GRM8: variants seen among roughly 807,000 people sequenced by gnomAD.
GRM8 encodes the protein glutamate metabotropic receptor 8, also known as metabotropic glutamate receptor 8.
Under a neutral mutation model 87.2 loss-of-function variants are expected in GRM8, and 47 were observed. The ratio of observed to expected loss-of-function variants is 0.54; its 90% CI spans 0.43 to 0.69. The LOEUF (loss-of-function observed/expected upper bound fraction) is 0.69. Among genes scored for constraint, GRM8 ranks in the 30% least tolerant of loss-of-function variants. The probability of loss-of-function intolerance (pLI) is 0.00; values close to 1 mark genes in which losing one functional copy is unlikely to be tolerated. For missense variants in GRM8, 1,019 were observed against 1,139.2 expected, an observed-to-expected ratio of 0.89 and a Z score of 1.52; for synonymous variants, 396 against 404.5, an observed-to-expected ratio of 0.98 and a Z score of 0.25.
At chr7:126,867,833 T>C (rs1435698758) in intron 6 of GRM8, among the ~76,000 whole-genome samples, 1 of 152,174 alleles carries the variant, frequency 6.6e-6, no homozygotes, top group Admixed American at 6.5e-5. Context: ...GGCCAAGGTC[T>C]TAAGTGGGAT....
intron 3 of GRM8, among the ~76,000 whole-genome samples, chr7:127,072,624 T>C (rs1164914824): frequency 6.8e-6 from 1 of 146,574 alleles, no homozygotes; most frequent in Non-Finnish European, 1.5e-5. Flanking sequence ...TGCTGAACCC[T>C]CATATTATAC....
intron 3 of GRM8, among the ~76,000 whole-genome samples, chr7:126,975,699 C>G (rs973507382): frequency 1.3e-5 from 2 of 152,092 alleles, no homozygotes; most frequent in African/African-American, 4.8e-5. Flanking sequence ...TATTTGGGAG[C>G]TCAGAATTTC....
intron 2 of GRM8, among the ~76,000 whole-genome samples, chr7:127,135,288 G>C (rs928646121): frequency 1.3e-5 from 2 of 151,972 alleles, no homozygotes. Context: ...TCTGAGCTTT[G>C]TGTAAAACTA....
chr7:127,230,588 C>T (rs910731888), intron 2 of GRM8, among the ~76,000 whole-genome samples: 7 of 152,128 alleles, frequency 4.6e-5, no homozygotes, highest in Non-Finnish European at 8.8e-5. Context: ...TCCTAACCCT[C>T]ATTGTGATGG....
At chr7:126,962,350 C>T (rs1376362163) in intron 3 of GRM8, among the ~76,000 whole-genome samples, 1 of 152,120 alleles carries the variant, frequency 6.6e-6, no homozygotes, top group Non-Finnish European at 1.5e-5. Context: ...TACAATGCCC[C>T]CATGCTGCTG....
chr7:127,138,056 T>C (rs1179061778), intron 2 of GRM8, among the ~76,000 whole-genome samples: 1 of 152,080 alleles, frequency 6.6e-6, no homozygotes, highest in Non-Finnish European at 1.5e-5. Flanking sequence ...TCTAAACTGG[T>C]TCTCCAATCC....
At chr7:127,017,402 C>A (rs1815791980) in intron 3 of GRM8, among the ~76,000 whole-genome samples, 1 of 151,972 alleles carries the variant, frequency 6.6e-6, no homozygotes, top group Non-Finnish European at 1.5e-5. Flanking sequence ...TGTACCAGCA[C>A]CCACAACCCT....
chr7:126,825,375 T>C (rs776394685), intron 6 of GRM8, among the ~76,000 whole-genome samples: 2 of 152,174 alleles, frequency 1.3e-5, no homozygotes, highest in Non-Finnish European at 2.9e-5. Context: ...CCCAAACATA[T>C]ACTTCTTTAA....
chr7:126,956,592 G>A (rs530871424), intron 3 of GRM8, among the ~76,000 whole-genome samples: 82 of 151,994 alleles, frequency 5.4e-4, no homozygotes, highest in Non-Finnish European at 8.7e-4. Context: ...CCATTAACTC[G>A]TCATTTAACA....
intron 3 of GRM8, among the ~76,000 whole-genome samples, chr7:126,908,075 G>T (rs1016392182): frequency 6.6e-6 from 1 of 152,188 alleles, no homozygotes; most frequent in South Asian, 2.1e-4. Context: ...TTGGAAGCAG[G>T]TTGTCTTCAA....
intron 2 of GRM8, among the ~76,000 whole-genome samples, chr7:127,207,525 C>T (rs370857515): frequency 6.6e-5 from 10 of 152,270 alleles, no homozygotes; most frequent in South Asian, 2.1e-4. Flanking sequence ...ACAATAAGCA[C>T]GTCATCTGCC....
chr7:126,829,014 G>C (rs746112194), intron 6 of GRM8, among the ~76,000 whole-genome samples: 4 of 152,184 alleles, frequency 2.6e-5, no homozygotes, highest in East Asian at 1.9e-4. Flanking sequence ...GAGAGGTTTT[G>C]AGTGAGTTTC....
intron 7 of GRM8, among the ~76,000 whole-genome samples, chr7:126,739,056 GA>G (rs901222136): frequency 4.6e-5 from 7 of 152,120 alleles, no homozygotes; most frequent in African/African-American, 1.4e-4. Context: ...CCAGATTCCA[GA>G]AGGCTGAAGA....
intron 3 of GRM8, among the ~76,000 whole-genome samples, chr7:126,993,145 G>A (rs1015303642): frequency 6.6e-6 from 1 of 152,038 alleles, no homozygotes; most frequent in African/African-American, 2.4e-5. Flanking sequence ...AGTATAATCA[G>A]AAATAAAATC....
At chr7:126,556,075 G>C (rs1435649417) in intron 8 of GRM8, among the ~76,000 whole-genome samples, 2 of 152,038 alleles carry the variant, frequency 1.3e-5, no homozygotes, top group Non-Finnish European at 2.9e-5. Flanking sequence ...AAATTATCTT[G>C]GGGTTGGATA....
At chr7:127,212,416 T>A (rs1314201749) in intron 2 of GRM8, among the ~76,000 whole-genome samples, 1 of 122,204 alleles carries the variant, frequency 8.2e-6, no homozygotes, top group Non-Finnish European at 1.8e-5. Context: ...TGTTATTTTT[T>A]TTTTTTTTTT....
chr7:126,904,001 G>A lies in GRM8; in HGVS notation c.989C>T (p.Thr330Ile). The A allele has an allele frequency of 1.3e-6, 2 of 1,559,266 alleles. No individual in the cohort carries two copies. The highest frequency in any genetic ancestry group is 1.8e-6 in the Non-Finnish European group (2 of 1,132,120). Residue 330 changes from threonine (T) to isoleucine (I), a missense_variant, in exon 5 of 11, where the codon ACA becomes ATA. By Grantham distance (89) the Thr-to-Ile change is moderately conservative. Coordinates refer to ENST00000339582, the MANE Select transcript of GRM8 (RefSeq NM_000845.3). ...QQEEIAEGAV[T>I]ILPKRASIDG... ...AATTGATGCTCGTTTGGGCAAAATT[G>A]TCACAGCCCCTTCTGCAATCTCCTC... is the stretch of plus-strand genomic sequence containing the variant.
At chr7:126,565,254 C>T (rs554824682) in intron 8 of GRM8, among the ~76,000 whole-genome samples, 191 of 152,010 alleles carry the variant, frequency 1.3e-3, no homozygotes, top group African/African-American at 4.5e-3. Context: ...CAAAATTGTC[C>T]CTGTTTGCAG....
At chr7:126,639,472 G>C (rs1802169494) in intron 7 of GRM8, among the ~76,000 whole-genome samples, 2 of 152,088 alleles carry the variant, frequency 1.3e-5, no homozygotes, top group Admixed American at 1.3e-4. Flanking sequence ...TTATCTCTCG[G>C]CTTCTTTGTA....
Sources: gnomAD v4.1 joint callset for allele counts (sites outside exome capture counted in the v4.1 genomes callset) on GRCh38, gnomAD v4.1.1 for gene constraint, MANE v1.5 for transcripts, NCBI Gene and HGNC (gene_info 2026-07-23, HGNC 2026-07-21) for gene names.